Variants in JDP2 observed in about 807,000 individuals in gnomAD.
The protein encoded by JDP2 is progesterone receptor co-activator.
JDP2 carries 9 observed loss-of-function variants against 17.1 expected under a neutral mutation model. That is an observed-to-expected ratio of 0.53 (90% CI 0.32 to 0.92). JDP2 has a LOEUF of 0.92. Ranked by LOEUF, JDP2 falls within the 40% of genes least tolerant of loss-of-function variation. The pLI is 0.04. For missense variants in JDP2, 179 were observed against 220.0 expected (o/e 0.81, Z 1.18); for synonymous variants, 107 against 95.6 (o/e 1.12, Z -0.69).
chr14:75,438,358 G>A (rs1416848889), intron 2 of JDP2, among the ~76,000 whole-genome samples: 3 of 152,134 alleles, frequency 2.0e-5, no homozygotes, highest in Non-Finnish European at 4.4e-5. Context: ...CTGGGCCAGG[G>A]GAGGATGTTT....
intron 3 of JDP2, among the ~76,000 whole-genome samples, chr14:75,467,749 G>A (rs1042160791): frequency 6.6e-6 from 1 of 152,056 alleles, no homozygotes; most frequent in Non-Finnish European, 1.5e-5. Flanking sequence ...CTGGCCCTCC[G>A]AGATGCGCCT....
chr14:75,466,692 G>C (rs145226216), intron 3 of JDP2, among the ~76,000 whole-genome samples: 1 of 152,314 alleles, frequency 6.6e-6, no homozygotes, highest in East Asian at 1.9e-4. Flanking sequence ...AATTCTGCCT[G>C]TCAGAGGCTT....
intron 2 of JDP2, among the ~76,000 whole-genome samples, chr14:75,455,857 C>T (rs1483889124): frequency 6.6e-6 from 1 of 152,198 alleles, no homozygotes; most frequent in Admixed American, 6.5e-5. Context: ...CTGCTGGGAT[C>T]CCCTAGTCCA....
At chr14:75,453,745 C>A (rs916135301) in intron 2 of JDP2, among the ~76,000 whole-genome samples, 3 of 152,208 alleles carry the variant, frequency 2.0e-5, no homozygotes, top group Non-Finnish European at 1.5e-5. Context: ...AGACCACCCC[C>A]CAACCCCACC....
intron 3 of JDP2, among the ~76,000 whole-genome samples, chr14:75,468,880 C>A (rs76606264): frequency 9.2e-5 from 14 of 152,222 alleles, no homozygotes; most frequent in African/African-American, 2.4e-4. Flanking sequence ...CCTCTTGGGC[C>A]CCCCCATGCT....
chr14:75,465,892 G>C (rs969825492), intron 3 of JDP2, among the ~76,000 whole-genome samples: 3 of 152,182 alleles, frequency 2.0e-5, no homozygotes, highest in Non-Finnish European at 4.4e-5. Context: ...TCTAACAGAA[G>C]TCAAAACAAT....
At chr14:75,453,905 C>T (rs1031866275) in intron 2 of JDP2, among the ~76,000 whole-genome samples, 1 of 152,122 alleles carries the variant, frequency 6.6e-6, no homozygotes, top group African/African-American at 2.4e-5. Flanking sequence ...CTTTTGTGTC[C>T]ATTTTTGCTT....
chr14:75,465,581 C>T (rs1332944640), intron 3 of JDP2, among the ~76,000 whole-genome samples: 1 of 152,158 alleles, frequency 6.6e-6, no homozygotes, highest in Non-Finnish European at 1.5e-5. Flanking sequence ...CCTCCTACCT[C>T]GGCCTCCCAA....
At chr14:75,438,801 C>G (rs1448638951) in intron 2 of JDP2, among the ~76,000 whole-genome samples, 1 of 152,264 alleles carries the variant, frequency 6.6e-6, no homozygotes, top group Non-Finnish European at 1.5e-5. Flanking sequence ...AGCCCTTTTT[C>G]TCGGGGCACT....
At chr14:75,438,196 CAA>C in intron 2 of JDP2, 75 bp downstream of exon 2, 2 of 1,209,856 alleles carry the variant, frequency 1.7e-6, no homozygotes, top group Non-Finnish European at 2.3e-6. Flanking sequence ...CCTTGCTGTT[CAA>C]AGTGTGGTCT....
At chr14:75,457,767 A>G (rs1212484469) in intron 2 of JDP2, among the ~76,000 whole-genome samples, 1 of 152,220 alleles carries the variant, frequency 6.6e-6, no homozygotes, top group East Asian at 1.9e-4. Context: ...TGTGCCCCCA[A>G]ATCTAAACTC....
At chr14:75,431,930 C>T (rs1328753433) in intron 1 of JDP2, among the ~76,000 whole-genome samples, 1 of 152,260 alleles carries the variant, frequency 6.6e-6, no homozygotes, top group Non-Finnish European at 1.5e-5. Flanking sequence ...CTAATTTAAT[C>T]CTCTTGACAG....
chr14:75,452,733 G>GGGGT (rs1885918481), intron 2 of JDP2, among the ~76,000 whole-genome samples: 1 of 152,200 alleles, frequency 6.6e-6, no homozygotes, highest in Non-Finnish European at 1.5e-5. Flanking sequence ...CATGGCAGGA[G>GGGGT]GGGTGGCCAC....
At chr14:75,448,740 G>T (rs947937342) in intron 2 of JDP2, among the ~76,000 whole-genome samples, 6 of 152,284 alleles carry the variant, frequency 3.9e-5, no homozygotes, top group African/African-American at 1.4e-4. Flanking sequence ...TTCCTTCATT[G>T]TTTTAGAAGG....
In JDP2 at chr14:75,428,374, C is replaced by A. The variant is rs913246717; in HGVS notation, c.-24+122C>A. The A allele has an allele frequency of 8.7e-5, 13 of 150,054 alleles. No individual in the cohort carries two copies. The highest frequency in any genetic ancestry group is 1.6e-4 in the Non-Finnish European group (11 of 67,296). The allele number at this position is 150,054 out of a possible 1,614,324, so 9.3% of individuals were successfully genotyped here. On this transcript the variant is annotated intron_variant, in intron 1 of 3. Transcript: ENST00000651602. This position sits in a 1 kb window ranked among gnomAD's most constrained non-coding sequence, Gnocchi z 5.6. ...CGCGAGGAGCCCCAGCCCAGCCCCG[C>A]GGGGAGGCTCCCGCAGCCCAGGGAC...
At chr14:75,446,689 G>C (rs1594957771) in intron 2 of JDP2, among the ~76,000 whole-genome samples, 1 of 152,168 alleles carries the variant, frequency 6.6e-6, no homozygotes, top group Non-Finnish European at 1.5e-5. Context: ...ATGGCCAAGG[G>C]ATATGAGGTT....
At chr14:75,439,261 TGTGGTGGCAAACTGGCC>T (rs1158018307) in intron 2 of JDP2, among the ~76,000 whole-genome samples, 4 of 149,828 alleles carry the variant, frequency 2.7e-5, no homozygotes, top group East Asian at 1.9e-4. Context: ...GGGGCTTGGC[TGTGGTGGCAAACTGGCC>T]GTGGTGGCAA....
At chr14:75,442,199 A>C (rs1329304254) in intron 2 of JDP2, among the ~76,000 whole-genome samples, 1 of 152,120 alleles carries the variant, frequency 6.6e-6, no homozygotes, top group African/African-American at 2.4e-5. Context: ...ACAAAATCAC[A>C]GTGTGGTTTT....
In JDP2 at chr14:75,465,549, T is replaced by C. The variant is rs142298041; in HGVS notation, c.307-3741T>C. ...CTCCCTGTGTTGCCTAGGCTGGTCT[T>C]GAACTCCTGGACACAAGTGATCCTC... On this transcript the variant is annotated intron_variant, in intron 3 of 3. Transcript: ENST00000651602. Among the ~76,000 whole-genome samples the C allele has an allele frequency of 8.1e-3, 1,227 of 152,268 alleles. 14 individuals carry two copies. Among genetic ancestry groups the C allele is most frequent in the African/African-American group, 0.028 (1,150 of 41,558 alleles).
Sources: allele counts gnomAD v4.1 joint callset (sites outside exome capture counted in the v4.1 genomes callset), GRCh38; gene constraint gnomAD v4.1.1; non-coding constraint Gnocchi (gnomAD v3.1); transcripts MANE v1.5; gene names NCBI Gene and HGNC (gene_info 2026-07-23, HGNC 2026-07-21).